WNK1: variants seen among roughly 807,000 people sequenced by gnomAD.
WNK1 encodes the protein serine/threonine-protein kinase WNK1.
In WNK1, 38 loss-of-function variants were observed where a neutral mutation model predicts 222.8. The ratio of observed to expected loss-of-function variants is 0.17; its 90% CI spans 0.13 to 0.22. The LOEUF (loss-of-function observed/expected upper bound fraction) is 0.22, where lower values mean the gene tolerates loss of function less well. Among genes scored for constraint, WNK1 ranks in the 10% least tolerant of loss-of-function variants. The pLI, the probability that WNK1 is intolerant of heterozygous loss-of-function variation, is 1.00. For missense variants in WNK1, 2,348 were observed against 2,918.4 expected (o/e 0.80, Z 4.50); for synonymous variants, 1,090 against 1,092.9 (o/e 1.00, Z 0.05).
In WNK1 at chr12:890,473, A is replaced by C. The variant is rs1592199492; in HGVS notation, c.5469A>C (p.Pro1823=). 6.2e-7 allele frequency: 1 copy of C among 1,614,130 alleles called. No individual in the cohort carries two copies. The highest frequency in any genetic ancestry group is 2.2e-5 in the East Asian group (1 of 44,876). Reference sequence around the variant, plus strand: ...TACAGCCTGTGTCCATGGCGGCTCCAACAGCAATCACAGAAGCAGGAACAC... The same window carrying C: ...TACAGCCTGTGTCCATGGCGGCTCCCACAGCAATCACAGAAGCAGGAACAC... ...SAVGPVSMAA[P]TAITEAGTQP... Residue 1823 remains proline, a synonymous_variant, in exon 22 of 28, where the codon CCA becomes CCC. Coordinates refer to ENST00000315939, the MANE Select transcript of WNK1 (RefSeq NM_018979.4).
intron 1 of WNK1, among the ~76,000 whole-genome samples, chr12:772,611 A>G (rs151248172): frequency 2.0e-5 from 3 of 152,272 alleles, no homozygotes; most frequent in South Asian, 2.1e-4. Flanking sequence ...TTGAAGTTAT[A>G]TATAAAAAAC....
intron 16 of WNK1, 48 bp from the exon 17 acceptor site, chr12:883,726 A>G: frequency 6.2e-7 from 1 of 1,611,358 alleles, no homozygotes; most frequent in South Asian, 1.1e-5. Context: ...TTGCCTAGTC[A>G]TTGAGATTGC....
At chr12:767,080 G>C (rs1265699136) in intron 1 of WNK1, among the ~76,000 whole-genome samples, 1 of 151,658 alleles carries the variant, frequency 6.6e-6, no homozygotes, top group Admixed American at 6.6e-5. Flanking sequence ...CCCGGCCCTA[G>C]ATGTTCTTTA....
chr12:824,445 A>G (rs945597368), intron 2 of WNK1, among the ~76,000 whole-genome samples: 1 of 152,166 alleles, frequency 6.6e-6, no homozygotes, highest in Non-Finnish European at 1.5e-5. Context: ...TTGCTATAAT[A>G]ATCATGTTTG....
At chr12:901,868 G>A (rs781280053) in intron 26 of WNK1, among the ~76,000 whole-genome samples, 3 of 152,060 alleles carry the variant, frequency 2.0e-5, no homozygotes, top group Non-Finnish European at 4.4e-5. Flanking sequence ...TAACTTTCTG[G>A]TAGAAGTGCT....
At chr12:868,540 A>G (rs1357941442) in intron 8 of WNK1, 1 of 1,613,892 alleles carries the variant, frequency 6.2e-7, no homozygotes, top group Non-Finnish European at 8.5e-7. Context: ...CAGATGCTAC[A>G]CGTTTGAAAT....
At chr12:904,338 C>CT (rs1955521773) in intron 26 of WNK1, 2 of 726,576 alleles carry the variant, frequency 2.8e-6, no homozygotes, top group African/African-American at 3.7e-5. Flanking sequence ...TCCTACCTAT[C>CT]TGTCTCACCT....
chr12:814,127 G>C (rs572418029), intron 2 of WNK1, among the ~76,000 whole-genome samples: 15 of 150,996 alleles, frequency 9.9e-5, no homozygotes, highest in African/African-American at 3.7e-4. Flanking sequence ...TCAGGAGTTC[G>C]AGACCAGCCT....
intron 1 of WNK1, among the ~76,000 whole-genome samples, chr12:787,368 C>A (rs1944410550): frequency 6.6e-6 from 1 of 152,100 alleles, no homozygotes; most frequent in African/African-American, 2.4e-5. Context: ...CCTCCTGCCT[C>A]AGCCTCCCAA....
Position 861,214 on chromosome 12 carries a change from T to G in WNK1, c.1822T>G (p.Ser608Ala). ...ASQTGIKQLP[S>A]ASTGIPTAST... The stretch of plus-strand genomic sequence containing the variant: ...CCAGACAGGAATCAAGCAGCTCCCT[T>G]CTGCTAGCACCGGCATACCTACTGC... The change falls in exon 7 of 28, where the codon TCT becomes GCT. Residue 608 changes from serine to alanine, a missense_variant. Ser to Ala is a moderately conservative substitution (Grantham distance 99). Coordinates refer to ENST00000315939, the MANE Select transcript of WNK1 (RefSeq NM_018979.4). 3.1e-6 allele frequency: 5 copies of G among 1,614,084 alleles called. No homozygotes were observed. The highest frequency in any genetic ancestry group is 3.4e-6 in the Non-Finnish European group (4 of 1,180,010).
At chr12:762,992 A>G (rs910284837) in intron 1 of WNK1, among the ~76,000 whole-genome samples, 1 of 146,298 alleles carries the variant, frequency 6.8e-6, no homozygotes, top group African/African-American at 2.4e-5. Context: ...GCGATCCGCC[A>G]GCCTCGGCCT....
intron 21 of WNK1, 96 bp from the exon 22 acceptor site, chr12:890,357 C>G: frequency 8.3e-7 from 1 of 1,209,444 alleles, no homozygotes; most frequent in Non-Finnish European, 1.2e-6. Context: ...TACTGTCTTT[C>G]TGCCCTTTTA....
chr12:910,058 CAT>C lies in WNK1; in HGVS notation c.*1270_*1271del, dbSNP rs1206057451. ...AACGTGATGCCTGGCCAGTGACTGT[CAT>C]ATAAACCTTTCTTATTTGAGCTAGG... On this transcript the variant is annotated 3_prime_UTR_variant, in exon 28 of 28. Transcript: ENST00000315939. 6.7e-6 allele frequency: 1 copy of C among 150,252 alleles called. No homozygotes were observed. The highest frequency in any genetic ancestry group is 1.5e-5 in the Non-Finnish European group (1 of 67,772). The allele number at this position is 150,252 out of a possible 1,614,324, so 9.3% of individuals were successfully genotyped here.
intron 26 of WNK1, among the ~76,000 whole-genome samples, chr12:907,347 GTGGCAGTGTCCAA>G (rs1955797278): frequency 6.7e-6 from 1 of 148,794 alleles, no homozygotes; most frequent in Non-Finnish European, 1.5e-5. Flanking sequence ...GCTAAAGAAT[GTGGCAGTGTCCAA>G]TGGTTTGGAA....
At position 879,857 on chromosome 12, in the gene WNK1, G is replaced by C. The variant is rs200965163; in HGVS notation, c.2658G>C (p.Pro886=). 257 of 1,614,080 alleles carry C rather than the reference G, an allele frequency of 1.6e-4. 4 individuals carry two copies. The South Asian group carries it at 2.7e-3, about 17-fold the overall frequency. ...LASSATTAAI[P]GVSTVVPSQL... is the part of the protein sequence containing the mutation. The stretch of plus-strand genomic sequence containing the variant: ...CATCTGCTACAACAGCTGCGATCCC[G>C]GGGGTATCAACTGTGGTTCCTAGTC... The change falls in exon 11 of 28, where the codon CCG becomes CCC. Residue 886 remains proline, a synonymous_variant. Coordinates refer to ENST00000315939, the MANE Select transcript of WNK1 (RefSeq NM_018979.4).
rs79409173 is a variant in WNK1, at chr12:788,506, G to A, written c.760-25136G>A. ...GAGAAAGGCCTGTAATGCCAGTACC[G>A]GAAATGATTGTTCCCAGAATAACCA... On this transcript the variant is annotated intron_variant, in intron 1 of 27. Coordinates refer to ENST00000315939, the MANE Select transcript of WNK1 (RefSeq NM_018979.4). Among the ~76,000 whole-genome samples the A allele has an allele frequency of 5.9e-4, 90 of 152,234 alleles. No individual in the cohort carries two copies. In the East Asian group the frequency reaches 0.017, roughly 29 times the overall value.
chr12:880,686 C>T (rs1953072304), intron 11 of WNK1, 35 bp from the exon 12 acceptor site: 4 of 1,611,262 alleles, frequency 2.5e-6, no homozygotes, highest in Non-Finnish European at 3.4e-6. Flanking sequence ...TGACCCCCAA[C>T]CTGCTCTAAC....
Position 880,895 on chromosome 12 carries a change from C to T in WNK1, c.3007C>T (p.Leu1003Phe), listed in dbSNP as rs777505065. The change falls in exon 12 of 28, where the codon CTT becomes TTT. Residue 1003 changes from leucine to phenylalanine, a missense_variant. Coordinates refer to ENST00000315939, the MANE Select transcript of WNK1 (RefSeq NM_018979.4). ...TVVQPYVESNLLVPMGGVGGQ... is the reference protein window; with the variant it reads ...TVVQPYVESNFLVPMGGVGGQ... ...GGTGCAGCCTTATGTGGAATCAAAT[C>T]TTTTAGTTCCTATGGGTGGTGTAGG... is the stretch of plus-strand genomic sequence containing the variant. The T allele has an allele frequency of 6.2e-7, 1 of 1,614,156 alleles. No individual in the cohort carries two copies. Among genetic ancestry groups the T allele is most frequent in the Non-Finnish European group, 8.5e-7 (1 of 1,180,034 alleles).
chr12:849,409 GC>G (rs1950255630), intron 4 of WNK1, among the ~76,000 whole-genome samples: 1 of 152,104 alleles, frequency 6.6e-6, no homozygotes, highest in Non-Finnish European at 1.5e-5. Flanking sequence ...CTTTGTTAAT[GC>G]CCTGAAGAAA....
Sources: gnomAD v4.1 joint callset for allele counts (sites outside exome capture counted in the v4.1 genomes callset) on GRCh38, gnomAD v4.1.1 for gene constraint, MANE v1.5 for transcripts, NCBI Gene and HGNC (gene_info 2026-07-23, HGNC 2026-07-21) for gene names.